The following FSIP1 variants were observed in gnomAD, a reference collection of about 807,000 sequenced individuals.
FSIP1 encodes the protein fibrous sheath interacting protein 1.
In FSIP1, 65 loss-of-function variants were observed where a neutral mutation model predicts 60.9. The ratio of observed to expected loss-of-function variants is 1.07; its 90% CI spans 0.87 to 1.31. FSIP1 has a LOEUF of 1.31. Among genes scored for constraint, FSIP1 ranks in the 40% most tolerant of loss-of-function variants. FSIP1 has a pLI of 0.00. For synonymous variants in FSIP1, 209 were observed against 221.2 expected (o/e 0.94, Z 0.49); for missense variants, 675 against 665.5 (o/e 1.01, Z -0.16).
chr15:39,726,733 G>T lies in FSIP1; in HGVS notation c.906C>A (p.Gly302=). ...CATATCCTTTTACTGGGACCACCCAGCCAGACTGATCACCCTAAGAGGAAA... is the reference window on the plus strand; with the variant it reads ...CATATCCTTTTACTGGGACCACCCATCCAGACTGATCACCCTAAGAGGAAA... The part of the protein sequence containing the change: ...GLSSSEGDQS[G]WVVPVKGYEL... Residue 302 remains glycine (G), a synonymous_variant, in exon 9 of 12, where the codon GGC becomes GGA. Coordinates refer to ENST00000350221, the MANE Select transcript of FSIP1 (RefSeq NM_152597.5). The T allele has an allele frequency of 6.2e-7, 1 of 1,613,980 alleles. No individual in the cohort carries two copies. The highest frequency in any genetic ancestry group is 8.5e-7 in the Non-Finnish European group (1 of 1,179,984).
At chr15:39,605,993 T>C (rs1441656096) in intron 11 of FSIP1, among the ~76,000 whole-genome samples, 2 of 152,204 alleles carry the variant, frequency 1.3e-5, no homozygotes, top group African/African-American at 4.8e-5. Flanking sequence ...CCAGAACCCA[T>C]GTTCCTAACC....
chr15:39,772,079 G>A (rs1180056510), intron 2 of FSIP1, among the ~76,000 whole-genome samples: 1 of 152,160 alleles, frequency 6.6e-6, no homozygotes, highest in African/African-American at 2.4e-5. Context: ...AACTCAGAAA[G>A]AGCAGAAGGT....
rs1167365835 is a variant in FSIP1, at chr15:39,618,084, A to C, written c.1350T>G (p.Ser450=). 1.2e-6 allele frequency: 2 copies of C among 1,614,156 alleles called. No homozygotes were observed. The highest frequency in any genetic ancestry group is 1.7e-6 in the Non-Finnish European group (2 of 1,180,006). The part of the protein sequence containing the change: ...VFPQLSRSII[S]KLLNESETKV... The stretch of plus-strand genomic sequence containing the variant: ...TTGTTTCTGATTCATTTAGCAATTT[A>C]GAGATGATGGACCTGGAAAGCTGGG... The change falls in exon 11 of 12, where the codon TCT becomes TCG. Residue 450 remains serine, a synonymous_variant. Coordinates refer to ENST00000350221, the MANE Select transcript of FSIP1 (RefSeq NM_152597.5).
intron 4 of FSIP1, among the ~76,000 whole-genome samples, chr15:39,764,888 A>C (rs181719186): frequency 1.3e-5 from 2 of 152,302 alleles, no homozygotes; most frequent in Non-Finnish European, 2.9e-5. Flanking sequence ...TTATCTCCAA[A>C]CTATAAGGCT....
intron 10 of FSIP1, among the ~76,000 whole-genome samples, chr15:39,681,092 C>G (rs1175733551): frequency 6.6e-6 from 1 of 152,074 alleles, no homozygotes; most frequent in African/African-American, 2.4e-5. Flanking sequence ...TTTATGTCCC[C>G]CAGATTTAAC....
chr15:39,763,963 T>A, intron 4 of FSIP1, 49 bp from the exon 5 acceptor site: 1 of 972,350 alleles, frequency 1.0e-6, no homozygotes, highest in Non-Finnish European at 1.6e-6. Context: ...AAGGCAACTA[T>A]AATCATTGAT....
At chr15:39,668,096 G>A (rs1893568684) in intron 10 of FSIP1, among the ~76,000 whole-genome samples, 1 of 151,762 alleles carries the variant, frequency 6.6e-6, no homozygotes, top group African/African-American at 2.4e-5. Flanking sequence ...AATAATGGTA[G>A]CCTAAACCAA....
At chr15:39,694,075 A>T (rs1266486666) in intron 10 of FSIP1, among the ~76,000 whole-genome samples, 3 of 152,192 alleles carry the variant, frequency 2.0e-5, no homozygotes, top group African/African-American at 7.2e-5. Flanking sequence ...TTGTCAAATA[A>T]ATTTAAAAAC....
intron 10 of FSIP1, among the ~76,000 whole-genome samples, chr15:39,657,448 G>A: frequency 6.7e-6 from 1 of 150,104 alleles, no homozygotes; most frequent in East Asian, 2.0e-4. Context: ...AAAACAACAT[G>A]TTTATTTCTA....
At chr15:39,685,429 C>T (rs1005462047) in intron 10 of FSIP1, among the ~76,000 whole-genome samples, 5 of 152,106 alleles carry the variant, frequency 3.3e-5, no homozygotes, top group African/African-American at 7.2e-5. Context: ...TAAATCCCCC[C>T]GCCATCCCCA....
chr15:39,651,660 T>C (rs1892875882), intron 10 of FSIP1, among the ~76,000 whole-genome samples: 1 of 152,266 alleles, frequency 6.6e-6, no homozygotes, highest in Admixed American at 6.5e-5. Context: ...TTGTTGTTAC[T>C]ATGATTATCG....
At chr15:39,639,155 C>T (rs1337638080) in intron 10 of FSIP1, among the ~76,000 whole-genome samples, 1 of 152,156 alleles carries the variant, frequency 6.6e-6, no homozygotes, top group East Asian at 1.9e-4. Context: ...CCAACTAACA[C>T]CAAAGACCAA....
chr15:39,633,490 G>A (rs1293735317), intron 10 of FSIP1, among the ~76,000 whole-genome samples: 2 of 152,138 alleles, frequency 1.3e-5, no homozygotes, highest in East Asian at 1.9e-4. Flanking sequence ...ATTAAGCCAG[G>A]TGACTTCTTC....
intron 10 of FSIP1, among the ~76,000 whole-genome samples, chr15:39,663,962 C>T (rs1399353574): frequency 6.6e-6 from 1 of 152,114 alleles, no homozygotes; most frequent in Non-Finnish European, 1.5e-5. Flanking sequence ...GATTTTGGAT[C>T]CATTCCTAAT....
chr15:39,690,760 G>A (rs1026753770), intron 10 of FSIP1, among the ~76,000 whole-genome samples: 1 of 152,182 alleles, frequency 6.6e-6, no homozygotes, highest in African/African-American at 2.4e-5. Context: ...TCACACTTGG[G>A]ATCCCAGGGG....
intron 1 of FSIP1, among the ~76,000 whole-genome samples, chr15:39,781,971 A>G (rs1390287897): frequency 6.6e-6 from 1 of 152,242 alleles, no homozygotes; most frequent in East Asian, 1.9e-4. Context: ...AGTAAGTTAT[A>G]CCTCAATTTT....
intron 8 of FSIP1, among the ~76,000 whole-genome samples, chr15:39,730,454 G>A (rs1896360945): frequency 1.3e-5 from 2 of 152,184 alleles, no homozygotes; most frequent in Admixed American, 6.5e-5. Context: ...TTGGAATAAC[G>A]TGTCAAGTAG....
intron 9 of FSIP1, among the ~76,000 whole-genome samples, chr15:39,717,031 T>G (rs1197980048): frequency 1.3e-5 from 2 of 151,930 alleles, no homozygotes; most frequent in African/African-American, 4.8e-5. Flanking sequence ...GCCAGGATGG[T>G]CTCAATCTCT....
intron 11 of FSIP1, 64 bp from the exon 12 acceptor site, chr15:39,600,990 A>C: frequency 7.9e-7 from 1 of 1,266,772 alleles, no homozygotes. Flanking sequence ...ATTAAGAAAA[A>C]CAACTCAGCC....
Sources: gnomAD v4.1 joint callset for allele counts (sites outside exome capture counted in the v4.1 genomes callset) on GRCh38, gnomAD v4.1.1 for gene constraint, MANE v1.5 for transcripts, NCBI Gene and HGNC (gene_info 2026-07-23, HGNC 2026-07-21) for gene names.